PKIG: variants seen among roughly 807,000 people sequenced by gnomAD.
PKIG encodes protein kinase (cAMP-dependent, catalytic) inhibitor gamma.
Under a neutral mutation model 6.8 loss-of-function variants are expected in PKIG, and 1 was observed. That is an observed-to-expected ratio of 0.15 (90% confidence interval 0.05 to 0.69). PKIG has a LOEUF of 0.69. PKIG is among the 30% of genes least tolerant of loss of function. The probability of loss-of-function intolerance (pLI) is 0.82; values close to 1 mark genes in which losing one functional copy is unlikely to be tolerated. For missense variants in PKIG, 77 were observed against 104.0 expected (o/e 0.74, Z 1.13); for synonymous variants, 39 against 43.0 (o/e 0.91, Z 0.36).
intron 2 of PKIG, among the ~76,000 whole-genome samples, chr20:44,593,364 AACACACACACACACACAC>A (rs55947972): frequency 2.0e-4 from 26 of 132,542 alleles, no homozygotes; most frequent in South Asian, 1.7e-3. Flanking sequence ...TATAATAATC[AACACACACACACACACAC>A]ACACACACAC....
At chr20:44,607,684 A>AT (rs1568833798) in intron 2 of PKIG, among the ~76,000 whole-genome samples, 1 of 139,694 alleles carries the variant, frequency 7.2e-6, no homozygotes, top group African/African-American at 2.7e-5. Context: ...ATGGAAAATA[A>AT]ATTTTTTTTT....
chr20:44,575,480 A>G (rs967465921), intron 1 of PKIG, among the ~76,000 whole-genome samples: 1 of 152,204 alleles, frequency 6.6e-6, no homozygotes, highest in African/African-American at 2.4e-5. Context: ...ACATCCTGTC[A>G]TGCTTTATTT....
chr20:44,572,935 T>C (rs1249511255), intron 1 of PKIG, among the ~76,000 whole-genome samples: 2 of 152,270 alleles, frequency 1.3e-5, no homozygotes, highest in Non-Finnish European at 2.9e-5. Context: ...ATGCCTCTGC[T>C]CTGATGAGTA....
rs1400313384 is a variant in PKIG, at chr20:44,614,503, AC to A, written c.-23-29del. On this transcript the variant is annotated intron_variant, in intron 2 of 3. Coordinates refer to ENST00000372886, the MANE Select transcript of PKIG (RefSeq NM_001281445.2). The surrounding 1 kb of genome is among the most constrained non-coding windows in gnomAD (Gnocchi z 4.6). The stretch of plus-strand genomic sequence containing the variant: ...CTCTCTGCAGAATGCATCTGGACTT[AC>A]CTCTGCCCCCTTGCCTTCTGTCCCC... 3.2e-6 allele frequency: 5 copies of A among 1,569,460 alleles called. No homozygotes were observed. In the African/African-American group the frequency reaches 5.4e-5, roughly 17 times the overall value.
chr20:44,568,116 G>A (rs2064825005), intron 1 of PKIG, among the ~76,000 whole-genome samples: 1 of 152,134 alleles, frequency 6.6e-6, no homozygotes, highest in Non-Finnish European at 1.5e-5. Flanking sequence ...ACTCGAGCCT[G>A]GGTGACAGAA....
intron 2 of PKIG, among the ~76,000 whole-genome samples, chr20:44,608,301 G>C (rs949945832): frequency 6.6e-6 from 1 of 151,834 alleles, no homozygotes; most frequent in Non-Finnish European, 1.5e-5. Flanking sequence ...TTATATCACT[G>C]GTATTCTTTT....
chr20:44,563,010 A>G (rs535568474), intron 1 of PKIG, among the ~76,000 whole-genome samples: 2 of 152,298 alleles, frequency 1.3e-5, no homozygotes, highest in Admixed American at 1.3e-4. Flanking sequence ...AGATCGTGCC[A>G]TTGCACTCCA....
At chr20:44,566,850 A>C (rs933670350) in intron 1 of PKIG, among the ~76,000 whole-genome samples, 8 of 152,140 alleles carry the variant, frequency 5.3e-5, no homozygotes, top group Non-Finnish European at 8.8e-5. Context: ...TCTCTAAATA[A>C]ATAAATAAAA....
In PKIG at chr20:44,610,508, A is replaced by T. The variant is rs1007443499; in HGVS notation, c.-23-4026A>T. 7.5e-4 allele frequency among the ~76,000 whole-genome samples: 113 copies of T among 151,050 alleles called. 1 individual carries two copies. The highest frequency in any genetic ancestry group is 3.0e-3 in the Admixed American group (46 of 15,158). ...TCTTCTCTCTCTCTCTCTCACACAC[A>T]CACACACACACACACACACACCTGC... On this transcript the variant is annotated intron_variant, in intron 2 of 3. Coordinates refer to ENST00000372886, the MANE Select transcript of PKIG (RefSeq NM_001281445.2).
intron 3 of PKIG, among the ~76,000 whole-genome samples, chr20:44,615,694 G>A (rs984723054): frequency 6.6e-6 from 1 of 152,162 alleles, no homozygotes. Context: ...TCTCCCCGTG[G>A]GCTGTCCGGA....
chr20:44,537,469 A>G (rs1180986303), intron 1 of PKIG, among the ~76,000 whole-genome samples: 5 of 151,874 alleles, frequency 3.3e-5, no homozygotes, highest in Non-Finnish European at 7.4e-5. Flanking sequence ...CCTGACCTCA[A>G]GTGATCTGCC....
chr20:44,580,600 G>A (rs192885700), upstream of PKIG, among the ~76,000 whole-genome samples: 16 of 151,902 alleles, frequency 1.1e-4, no homozygotes, highest in African/African-American at 3.4e-4. Flanking sequence ...CACCCACCTC[G>A]GCCTCCCAAA....
intron 2 of PKIG, among the ~76,000 whole-genome samples, chr20:44,610,782 GTGT>G (rs1362268421): frequency 1.3e-5 from 2 of 151,890 alleles, no homozygotes; most frequent in African/African-American, 4.8e-5. Context: ...TTTATTTTAG[GTGT>G]TGTTTTGCAA....
At position 44,599,210 on chromosome 20, in the gene PKIG, C is replaced by T. The variant is rs1369763968; in HGVS notation, c.-24+9344C>T. Among the ~76,000 whole-genome samples the T allele has an allele frequency of 2.0e-5, 3 of 152,240 alleles. No homozygotes were observed. The East Asian group carries it at 5.8e-4, about 29-fold the overall frequency. On this transcript the variant is annotated intron_variant, in intron 2 of 3. Coordinates refer to ENST00000372886, the MANE Select transcript of PKIG (RefSeq NM_001281445.2). ...AGAAGGTCAGAAAAGGGAATGGGTA[C>T]TTTTCAGTAAATCCATACTACATGC...
intron 1 of PKIG, among the ~76,000 whole-genome samples, chr20:44,541,695 C>CTTT (rs554662358): frequency 7.4e-6 from 1 of 134,776 alleles, no homozygotes; most frequent in Non-Finnish European, 1.6e-5. Context: ...TCTTTAGGTT[C>CTTT]TTTTTTTTTT....
At chr20:44,548,407 C>A (rs956253646) in intron 1 of PKIG, among the ~76,000 whole-genome samples, 1 of 152,066 alleles carries the variant, frequency 6.6e-6, no homozygotes. Context: ...ATTTGTCAGC[C>A]TAGCAAATAA....
chr20:44,541,598 AT>A (rs1600836522), intron 1 of PKIG, among the ~76,000 whole-genome samples: 1 of 151,854 alleles, frequency 6.6e-6, no homozygotes, highest in East Asian at 1.9e-4. Flanking sequence ...AATATGTATT[AT>A]TTTTAATTGG....
chr20:44,551,140 G>T (rs1336549899), intron 1 of PKIG, among the ~76,000 whole-genome samples: 3 of 151,740 alleles, frequency 2.0e-5, no homozygotes, highest in African/African-American at 7.3e-5. Flanking sequence ...TGCAAGCTTC[G>T]CCTCCCGGGT....
rs906187146 is a variant in PKIG at position 44,550,956 on chromosome 20, G to A, written c.-241+18978G>A. On this transcript the variant is annotated intron_variant, in intron 1 of 4. Coordinates refer to the PKIG transcript ENST00000372887. The stretch of plus-strand genomic sequence containing the variant: ...TAGCCCAAACAATTGTTAACATTTT[G>A]CTGCATATAGTTTATCTGCATGTGT... Among the ~76,000 whole-genome samples, 32 of 152,140 alleles carry A rather than the reference G, an allele frequency of 2.1e-4. 1 individual carries two copies. The highest frequency in any genetic ancestry group is 7.5e-4 in the African/African-American group (31 of 41,430).
Sources: gnomAD v4.1 joint callset for allele counts (sites outside exome capture counted in the v4.1 genomes callset) on GRCh38, gnomAD v4.1.1 for gene constraint, Gnocchi (gnomAD v3.1) non-coding constraint, MANE v1.5 for transcripts, NCBI Gene and HGNC (gene_info 2026-07-23, HGNC 2026-07-21) for gene names.